The following CEP128 variants were observed in gnomAD, a reference collection of about 807,000 sequenced individuals.
CEP128 encodes centrosomal protein 128kDa.
Under a neutral mutation model 156.7 loss-of-function variants are expected in CEP128, and 132 were observed. The ratio of observed to expected loss-of-function variants is 0.84; its 90% confidence interval spans 0.73 to 0.97. The LOEUF is 0.97. Among genes scored for constraint, CEP128 ranks in the 50% least tolerant of loss-of-function variants. The pLI is 0.00. For missense variants in CEP128, 1,252 were observed against 1,281.9 expected, an observed-to-expected ratio of 0.98 and a Z score of 0.36; for synonymous variants, 469 against 448.9, an observed-to-expected ratio of 1.04 and a Z score of -0.57.
intron 8 of CEP128, among the ~76,000 whole-genome samples, chr14:80,875,268 A>G (rs914053993): frequency 3.9e-5 from 6 of 152,258 alleles, no homozygotes; most frequent in Non-Finnish European, 8.8e-5. Context: ...TTTATTAAGT[A>G]TCTCAACAAC....
intron 19 of CEP128, among the ~76,000 whole-genome samples, chr14:80,601,795 A>T: frequency 6.6e-6 from 1 of 152,154 alleles, no homozygotes; most frequent in East Asian, 1.9e-4. Flanking sequence ...GGCAATAGAA[A>T]TTTTTCAACT....
At chr14:80,528,418 A>G (rs1204083962) in intron 22 of CEP128, among the ~76,000 whole-genome samples, 5 of 152,182 alleles carry the variant, frequency 3.3e-5, no homozygotes, top group African/African-American at 1.2e-4. Flanking sequence ...CCTCCTGAGT[A>G]TCTGGGATTA....
chr14:80,888,537 T>C (rs570762679), intron 8 of CEP128, among the ~76,000 whole-genome samples: 1 of 152,324 alleles, frequency 6.6e-6, no homozygotes, highest in East Asian at 1.9e-4. Flanking sequence ...AACCACATGA[T>C]TATCTCAATA....
At chr14:80,596,536 C>T (rs1892327058) in intron 19 of CEP128, among the ~76,000 whole-genome samples, 1 of 152,210 alleles carries the variant, frequency 6.6e-6, no homozygotes, top group African/African-American at 2.4e-5. Context: ...CAGCTAGGCA[C>T]AGTGGCTCAT....
chr14:80,524,508 C>T (rs930709763), intron 23 of CEP128, among the ~76,000 whole-genome samples: 1 of 152,186 alleles, frequency 6.6e-6, no homozygotes, highest in Non-Finnish European at 1.5e-5. Flanking sequence ...ACAACTTTCT[C>T]ACTACTCATT....
At chr14:80,772,106 G>A (rs567566974) in intron 16 of CEP128, among the ~76,000 whole-genome samples, 2 of 152,224 alleles carry the variant, frequency 1.3e-5, no homozygotes, top group Admixed American at 1.3e-4. Flanking sequence ...GGTAGAAGAG[G>A]GGCAGCTGCC....
chr14:80,880,151 C>T lies in CEP128; in HGVS notation c.645+15567G>A, dbSNP rs899433312. Among the ~76,000 whole-genome samples, 52 of 152,072 alleles carry T rather than the reference C, an allele frequency of 3.4e-4. 1 individual carries two copies. Among genetic ancestry groups the T allele is most frequent in the Non-Finnish European group, 2.6e-4 (18 of 67,996 alleles). On this transcript the variant is annotated intron_variant, in intron 8 of 24. Coordinates refer to ENST00000555265, the MANE Select transcript of CEP128 (RefSeq NM_152446.5). ...ACAACATGACCAGATAAGATTTATT[C>T]CTGGCATGCAAGGCTGATTAAACAT...
At chr14:80,869,392 T>C (rs1038751107) in intron 8 of CEP128, among the ~76,000 whole-genome samples, 1 of 151,812 alleles carries the variant, frequency 6.6e-6, no homozygotes, top group African/African-American at 2.4e-5. Context: ...AATGAAAAAA[T>C]TCCTTGATAC....
chr14:80,628,237 T>G (rs1269799686), intron 19 of CEP128, among the ~76,000 whole-genome samples: 2 of 152,214 alleles, frequency 1.3e-5, no homozygotes, highest in East Asian at 3.8e-4. Flanking sequence ...TCCTAAATAG[T>G]GAAATGTGAC....
chr14:80,747,225 T>A (rs1246342944), intron 18 of CEP128, among the ~76,000 whole-genome samples: 1 of 152,180 alleles, frequency 6.6e-6, no homozygotes, highest in Non-Finnish European at 1.5e-5. Flanking sequence ...GCAGTTCTAC[T>A]CCCAGGTAAG....
At chr14:80,933,804 C>T (rs1005791012) in intron 2 of CEP128, among the ~76,000 whole-genome samples, 3 of 152,176 alleles carry the variant, frequency 2.0e-5, no homozygotes, top group Middle Eastern at 3.4e-3. Flanking sequence ...TAGGTGAGGA[C>T]GATGCCAGGT....
chr14:80,639,710 T>A (rs1370111638), intron 19 of CEP128, among the ~76,000 whole-genome samples: 2 of 152,178 alleles, frequency 1.3e-5, no homozygotes, highest in Non-Finnish European at 2.9e-5. Context: ...CTGTGATGAC[T>A]AGTCTTTACC....
intron 19 of CEP128, among the ~76,000 whole-genome samples, chr14:80,716,411 T>C (rs903756702): frequency 6.6e-6 from 1 of 152,168 alleles, no homozygotes; most frequent in Non-Finnish European, 1.5e-5. Flanking sequence ...CCAGCCAGAA[T>C]CACTATTTCT....
chr14:80,923,953 G>A (rs956069126), intron 2 of CEP128, among the ~76,000 whole-genome samples: 1 of 151,906 alleles, frequency 6.6e-6, no homozygotes, highest in African/African-American at 2.4e-5. Context: ...TTCCCTCTTC[G>A]CTCCTCACTC....
At position 80,574,071 on chromosome 14, in the gene CEP128, G is replaced by A. The variant is rs189829213; in HGVS notation, c.2856+6303C>T. Among the ~76,000 whole-genome samples the A allele has an allele frequency of 7.0e-4, 107 of 152,258 alleles. 1 individual carries two copies. The highest frequency in any genetic ancestry group is 6.0e-3 in the East Asian group (31 of 5,180). On this transcript the variant is annotated intron_variant, in intron 20 of 24. Transcript: ENST00000555265. ...ATAAAAATTCTGTTATAACTCTCACGAGTCATCTTAGGGATGAGTAGGGAC... is the reference window on the plus strand; with the variant it reads ...ATAAAAATTCTGTTATAACTCTCACAAGTCATCTTAGGGATGAGTAGGGAC...
intron 13 of CEP128, among the ~76,000 whole-genome samples, chr14:80,803,355 T>TA (rs11374763): frequency 0.64 from 92,584 of 143,686 alleles, 29,664 homozygotes; most frequent in East Asian, 0.78. Context: ...AGCCCTATGT[T>TA]AAAAAAAAAA....
intron 19 of CEP128, among the ~76,000 whole-genome samples, chr14:80,650,968 G>C (rs1484130915): frequency 6.6e-6 from 1 of 151,978 alleles, no homozygotes; most frequent in Non-Finnish European, 1.5e-5. Context: ...TTTTTCTATT[G>C]TTTGGAATAG....
chr14:80,703,429 C>T (rs1897138234), intron 19 of CEP128, among the ~76,000 whole-genome samples: 1 of 151,492 alleles, frequency 6.6e-6, no homozygotes, highest in South Asian at 2.1e-4. Flanking sequence ...CTCTGTAAAA[C>T]AATATGTTTT....
chr14:80,595,962 C>T (rs1033205577), intron 19 of CEP128, among the ~76,000 whole-genome samples: 1 of 151,446 alleles, frequency 6.6e-6, no homozygotes, highest in Non-Finnish European at 1.5e-5. Context: ...AATTATCTCT[C>T]ACCGTGTCCC....
Sources: gnomAD v4.1 joint callset for allele counts (sites outside exome capture counted in the v4.1 genomes callset) on GRCh38, gnomAD v4.1.1 for gene constraint, MANE v1.5 for transcripts, NCBI Gene and HGNC (gene_info 2026-07-23, HGNC 2026-07-21) for gene names.